Variants in UTP20 observed in about 807,000 individuals in gnomAD.
UTP20 encodes UTP20 small subunit processome component, also known as small subunit processome component 20 homolog.
In UTP20, 164 loss-of-function variants were observed where a neutral mutation model predicts 329.5. The ratio of observed to expected loss-of-function variants is 0.50; its 90% confidence interval spans 0.44 to 0.57. The LOEUF (loss-of-function observed/expected upper bound fraction) is 0.57. Ranked by LOEUF, UTP20 falls within the 20% of genes least tolerant of loss-of-function variation. UTP20 has a pLI of 0.00. For synonymous variants in UTP20, 1,151 were observed against 1,159.3 expected (o/e 0.99, Z 0.14); for missense variants, 3,055 against 3,284.2 (o/e 0.93, Z 1.71).
intron 12 of UTP20, 86 bp from the exon 13 acceptor site, chr12:101,299,596 G>A: frequency 7.6e-7 from 1 of 1,313,368 alleles, no homozygotes; most frequent in African/African-American, 1.5e-5. Flanking sequence ...GCTCCACAAT[G>A]GTAAGAATCC....
intron 2 of UTP20, among the ~76,000 whole-genome samples, chr12:101,284,334 C>T (rs1252676998): frequency 6.6e-6 from 1 of 152,140 alleles, no homozygotes; most frequent in Non-Finnish European, 1.5e-5. Context: ...TAAGTCAGAA[C>T]ATGCAGTTTT....
chr12:101,383,841 TACACACAC>T (rs375117313), intron 60 of UTP20, among the ~76,000 whole-genome samples, 172 bp downstream of exon 60: 1 of 121,114 alleles, frequency 8.3e-6, no homozygotes, highest in African/African-American at 2.8e-5. Flanking sequence ...TTTATATATA[TACACACAC>T]ACACACACAC....
In UTP20 at chr12:101,327,207, C is replaced by G. The variant is rs1459826678; in HGVS notation, c.3168C>G (p.Phe1056Leu). 1.9e-6 allele frequency: 3 copies of G among 1,607,528 alleles called. No homozygotes were observed. The highest frequency in any genetic ancestry group is 1.6e-4 in the Middle Eastern group (1 of 6,066). ...CCCAACCTGAGGAGATCCAGATATT[C>G]TTAGACCTGCTGTTTGAACCTGTGA... ...AGTQPEEIQI[F>L]LDLLFEPVRH... Residue 1056 changes from phenylalanine to leucine, a missense_variant, in exon 26 of 62, where the codon TTC becomes TTG. Physicochemically the swap from Phe to Leu is conservative, Grantham distance 22 (BLOSUM62 0). This residue lies in a region of UTP20 where 2,445 missense variants were observed against 2,575.5 expected (regional missense o/e 0.95). Transcript: ENST00000261637.
chr12:101,301,566 G>A (rs1261247754), intron 14 of UTP20, among the ~76,000 whole-genome samples: 1 of 152,198 alleles, frequency 6.6e-6, no homozygotes, highest in Non-Finnish European at 1.5e-5. Flanking sequence ...TACTGGGGAG[G>A]CTGAGGCAGG....
chr12:101,365,593 T>G lies in UTP20; in HGVS notation c.6093T>G (p.Ser2031Arg), dbSNP rs1195605108. Residue 2031 changes from serine to arginine, a missense_variant, in exon 46 of 62, where the codon AGT becomes AGG. This residue lies in a region of UTP20 where 2,445 missense variants were observed against 2,575.5 expected (regional missense o/e 0.95). Transcript: ENST00000261637. ...TATTACTCAGTTATGGTTTGATCAGTGAAAATCTTCCCCTGTTAACAGAGA... is the reference window on the plus strand; with the variant it reads ...TATTACTCAGTTATGGTTTGATCAGGGAAAATCTTCCCCTGTTAACAGAGA... ...SILLLSYGLI[S>R]ENLPLLTEKE... The G allele has an allele frequency of 1.9e-6, 3 of 1,584,546 alleles. No individual in the cohort carries two copies. The highest frequency in any genetic ancestry group is 1.9e-5 in the Admixed American group (1 of 52,524).
At position 101,380,619 on chromosome 12, in the gene UTP20, T is replaced by C. The variant is rs550910360; in HGVS notation, c.7585-521T>C. Among the ~76,000 whole-genome samples, 15 of 152,006 alleles carry C rather than the reference T, an allele frequency of 9.9e-5. No homozygotes were observed. The East Asian group carries it at 1.9e-3, about 20-fold the overall frequency. ...GGCTCATGCCTGTAATCCCAACACATTGGGAGGCCGAGGTGGGTGGATCAC... is the reference window on the plus strand; with the variant it reads ...GGCTCATGCCTGTAATCCCAACACACTGGGAGGCCGAGGTGGGTGGATCAC... On this transcript the variant is annotated intron_variant, in intron 57 of 61. Transcript: ENST00000261637.
At chr12:101,349,684 A>G (rs1225105920) in intron 38 of UTP20, among the ~76,000 whole-genome samples, 1 of 151,924 alleles carries the variant, frequency 6.6e-6, no homozygotes. Context: ...CAAGTGATCC[A>G]CCCACCATGG....
chr12:101,345,703 C>G lies in UTP20; in HGVS notation c.4746+9C>G. The G allele has an allele frequency of 6.2e-7, 1 of 1,602,916 alleles. No homozygotes were observed. Among genetic ancestry groups the G allele is most frequent in the Non-Finnish European group, 8.5e-7 (1 of 1,176,740 alleles). ...ACATGAAGCACATTCAGGTAGAAGA[C>G]AATTCTGCTTTTTCCTACCTACGAC... On this transcript the variant is annotated intron_variant, in intron 37 of 61. Transcript: ENST00000261637.
At position 101,367,957 on chromosome 12, in the gene UTP20, T is replaced by G; in HGVS notation, c.6365T>G (p.Leu2122Arg). Residue 2122 changes from leucine (L) to arginine (R), a missense_variant, in exon 48 of 62, where the codon CTG becomes CGG. This residue lies in a region of UTP20 where 2,445 missense variants were observed against 2,575.5 expected (regional missense o/e 0.95). Transcript: ENST00000261637. ...DPFVSLLIDC[L>R]GSMDVKVITG... ...TTTGTGTCTCTCCTCATAGACTGCCTGGGCTCCATGGATGTGAAGGTAAGC... is the reference window on the plus strand; with the variant it reads ...TTTGTGTCTCTCCTCATAGACTGCCGGGGCTCCATGGATGTGAAGGTAAGC... 1 of 1,612,704 alleles carries G rather than the reference T, an allele frequency of 6.2e-7. No homozygotes were observed. Among genetic ancestry groups the G allele is most frequent in the Non-Finnish European group, 8.5e-7 (1 of 1,178,802 alleles).
intron 44 of UTP20, among the ~76,000 whole-genome samples, chr12:101,362,570 G>T (rs1362702955): frequency 1.9e-5 from 2 of 104,104 alleles, no homozygotes; most frequent in Admixed American, 9.4e-5. Context: ...CAGGCATGGT[G>T]ATGCGCACCT....
intron 32 of UTP20, among the ~76,000 whole-genome samples, chr12:101,341,851 G>A (rs1001479408): frequency 3.9e-5 from 6 of 152,168 alleles, no homozygotes; most frequent in African/African-American, 1.4e-4. Context: ...GTTGTGGTGA[G>A]CTGAGATCAT....
chr12:101,356,305 T>C (rs1156755743), intron 41 of UTP20, among the ~76,000 whole-genome samples: 1 of 152,120 alleles, frequency 6.6e-6, no homozygotes, highest in African/African-American at 2.4e-5. Flanking sequence ...TTTGTATTTT[T>C]AGTAGAGACG....
chr12:101,356,732 A>G, intron 42 of UTP20, 39 bp downstream of exon 42: 1 of 1,583,104 alleles, frequency 6.3e-7, no homozygotes, highest in Non-Finnish European at 8.6e-7. Context: ...GTGAAACTCA[A>G]AAATTGGTTC....
chr12:101,362,194 A>G (rs1426017672), intron 44 of UTP20, 134 bp downstream of exon 44: 2 of 615,292 alleles, frequency 3.3e-6, no homozygotes, highest in South Asian at 2.0e-5. Context: ...TTAGATTAGC[A>G]GAGGTTTAAA....
intron 2 of UTP20, 60 bp downstream of exon 2, chr12:101,281,256 T>G: frequency 1.4e-6 from 2 of 1,420,006 alleles, no homozygotes; most frequent in Non-Finnish European, 2.0e-6. Context: ...TTTCTTCTGT[T>G]AGTAGAAGTG....
intron 43 of UTP20, 27 bp downstream of exon 43, chr12:101,357,109 C>T (rs1239975352): frequency 6.3e-7 from 1 of 1,587,094 alleles, no homozygotes. Context: ...GCTTTATATT[C>T]AAGTTGTATT....
chr12:101,317,344 C>G (rs1414476117), intron 21 of UTP20, 134 bp from the exon 22 acceptor site: 1 of 913,160 alleles, frequency 1.1e-6, no homozygotes, highest in African/African-American at 1.7e-5. Flanking sequence ...ATTGTGGAAG[C>G]TTGCCTAAGG....
Position 101,310,577 on chromosome 12 carries a change from C to CAAAAAAA in UTP20, c.2231+753_2231+759dup, listed in dbSNP as rs549641642. On this transcript the variant is annotated intron_variant, in intron 19 of 61. Transcript: ENST00000261637. ...GCAACAAGAGTGAAACTCTGTCTCC[C>CAAAAAAA]AAAAAAAAAAAAAAAAAAAAATACA... 1.3e-3 allele frequency among the ~76,000 whole-genome samples: 57 copies of CAAAAAAA among 44,358 alleles called. 9 individuals are homozygous for CAAAAAAA. Among genetic ancestry groups the CAAAAAAA allele is most frequent in the African/African-American group, 5.0e-3 (46 of 9,136 alleles). 29.1% of individuals were successfully genotyped at this position (44,358 alleles called of 152,430 possible).
rs1871746780 is a variant in UTP20, at chr12:101,280,198, C to A, written c.-85C>A. 6.6e-7 allele frequency: 1 copy of A among 1,506,814 alleles called. No individual in the cohort carries two copies. The highest frequency in any genetic ancestry group is 1.4e-5 in the African/African-American group (1 of 72,054). The allele number at this position is 1,506,814 out of a possible 1,614,324, so 93.3% of individuals were successfully genotyped here. On this transcript the variant is annotated 5_prime_UTR_variant, in exon 1 of 62. In the 5' UTR this introduces an upstream ATG that the reference lacks. Coordinates refer to ENST00000261637, the MANE Select transcript of UTP20 (RefSeq NM_014503.3). ...GCATCTGGGAATCGGAGAGTATAGC[C>A]TGTGAGCCGCTTTCCCCTCCTTACT...
Sources: allele counts gnomAD v4.1 joint callset (sites outside exome capture counted in the v4.1 genomes callset), GRCh38; gene constraint gnomAD v4.1.1; regional missense constraint gnomAD v4.1.1; transcripts MANE v1.5; gene names NCBI Gene and HGNC (gene_info 2026-07-23, HGNC 2026-07-21).